Variants in IFIH1 observed in about 807,000 individuals in gnomAD.
The protein encoded by IFIH1 is interferon induced with helicase C domain 1.
Under a neutral mutation model 107.4 loss-of-function variants are expected in IFIH1, and 125 were observed. The observed-to-expected ratio is 1.16, with a 90% CI of 1.01 to 1.35. The LOEUF (loss-of-function observed/expected upper bound fraction) is 1.35. Among genes scored for constraint, IFIH1 ranks in the 40% most tolerant of loss-of-function variants. The pLI, the probability that IFIH1 is intolerant of heterozygous loss-of-function variation, is 0.00. For missense variants in IFIH1, 1,333 were observed against 1,213.7 expected (o/e 1.10, Z -1.46); for synonymous variants, 458 against 413.2 (o/e 1.11, Z -1.31).
In IFIH1 at chr2:162,268,259, G is replaced by A. The variant is rs1559809132; in HGVS notation, c.2635C>T (p.Gln879Ter). The A allele has an allele frequency of 1.9e-6, 3 of 1,606,560 alleles. No homozygotes were observed. The African/African-American group carries it at 4.0e-5, about 21-fold the overall frequency. The change falls in exon 14 of 16, where the codon CAA becomes TAA. Residue 879 changes from glutamine (Q) to a stop codon, truncating the protein, a stop_gained. Transcript: ENST00000649979. LOFTEE classifies it high-confidence loss of function. ...YAHKILELQM[Q>*]SIMEKKMKTK... ...TTCATTTTCTTTTCCATTATACTTT[G>A]CATCTGTAATTCCAAAATCTGGACA...
chr2:162,301,371 G>T (rs1003935318), intron 3 of IFIH1, among the ~76,000 whole-genome samples: 1 of 152,078 alleles, frequency 6.6e-6, no homozygotes, highest in African/African-American at 2.4e-5. Flanking sequence ...AAATGTAAAG[G>T]CGCCCTCTGC....
intron 11 of IFIH1, among the ~76,000 whole-genome samples, chr2:162,276,329 G>A (rs553757235): frequency 1.1e-3 from 162 of 152,304 alleles, no homozygotes; most frequent in Admixed American, 1.4e-3. Context: ...CAGGCTGAGC[G>A]CAGTGGCTCG....
At chr2:162,306,447 C>G (rs1372145922) in intron 3 of IFIH1, among the ~76,000 whole-genome samples, 1 of 152,128 alleles carries the variant, frequency 6.6e-6, no homozygotes, top group Non-Finnish European at 1.5e-5. Context: ...TTATACTTAT[C>G]TTACAATGAC....
At chr2:162,272,543 T>C (rs944800977) in intron 12 of IFIH1, among the ~76,000 whole-genome samples, 156 bp from the exon 13 acceptor site, 2 of 152,226 alleles carry the variant, frequency 1.3e-5, no homozygotes, top group Non-Finnish European at 2.9e-5. Context: ...AGTTAGTTAT[T>C]AATCCATTAC....
chr2:162,287,053 C>A (rs1682906764), intron 5 of IFIH1, among the ~76,000 whole-genome samples: 1 of 151,736 alleles, frequency 6.6e-6, no homozygotes, highest in South Asian at 2.1e-4. Context: ...AGTCTATCGG[C>A]AAACAAATTT....
intron 4 of IFIH1, among the ~76,000 whole-genome samples, chr2:162,288,926 C>CACACACACACAA (rs1405267685): frequency 1.6e-4 from 20 of 127,894 alleles, no homozygotes; most frequent in African/African-American, 9.0e-4. Context: ...AGCACACACA[C>CACACACACACAA]ACACACACAC....
rs143581491 is a variant in IFIH1 at position 162,315,821 on chromosome 2, T to C, written c.453+2034A>G. On this transcript the variant is annotated intron_variant, in intron 1 of 15. Transcript: ENST00000649979. ...AATGCTTCCGTCTCATTGTCCACCA[T>C]ATCTTAGTTTTGGAACTGATAATAC... Among the ~76,000 whole-genome samples, 3 of 152,358 alleles carry C rather than the reference T, an allele frequency of 2.0e-5. No individual in the cohort carries two copies. The East Asian group carries it at 5.8e-4, about 29-fold the overall frequency.
intron 4 of IFIH1, among the ~76,000 whole-genome samples, chr2:162,289,629 CTAT>C (rs1682961978): frequency 6.6e-6 from 1 of 151,896 alleles, no homozygotes; most frequent in Non-Finnish European, 1.5e-5. Context: ...CTGGATAATT[CTAT>C]TTGAGTGAGT....
chr2:162,286,704 G>A (rs1183445180), intron 5 of IFIH1, among the ~76,000 whole-genome samples: 2 of 151,932 alleles, frequency 1.3e-5, no homozygotes, highest in Non-Finnish European at 2.9e-5. Flanking sequence ...ATCAGTTTAA[G>A]TAGCTTTGAA....
At chr2:162,284,622 A>C (rs1682867175) in intron 5 of IFIH1, among the ~76,000 whole-genome samples, 1 of 151,996 alleles carries the variant, frequency 6.6e-6, no homozygotes, top group Non-Finnish European at 1.5e-5. Context: ...ATTGCCAATT[A>C]AAGTCTTGAA....
intron 1 of IFIH1, 103 bp from the exon 2 acceptor site, chr2:162,311,036 A>T: frequency 2.5e-6 from 2 of 806,102 alleles, no homozygotes; most frequent in Non-Finnish European, 3.8e-6. Context: ...GCATAAGTAT[A>T]AATAAAGGCT....
chr2:162,286,401 C>T (rs1387739435), intron 5 of IFIH1, among the ~76,000 whole-genome samples: 2 of 151,838 alleles, frequency 1.3e-5, no homozygotes, highest in African/African-American at 2.4e-5. Flanking sequence ...GTAGGGGGAC[C>T]TCCTTGATAT....
chr2:162,274,224 T>C (rs1175039740), intron 11 of IFIH1, among the ~76,000 whole-genome samples: 1 of 152,138 alleles, frequency 6.6e-6, no homozygotes, highest in Non-Finnish European at 1.5e-5. Flanking sequence ...AATTGATGGG[T>C]GACTCCAGAG....
intron 5 of IFIH1, among the ~76,000 whole-genome samples, chr2:162,284,328 ACAGCTACTCCAG>A (rs1682860817): frequency 6.6e-6 from 1 of 151,970 alleles, no homozygotes; most frequent in African/African-American, 2.4e-5. Context: ...AGCCCTGAAA[ACAGCTACTCCAG>A]CCACTTACTT....
At position 162,272,418 on chromosome 2, in the gene IFIH1, A is replaced by G. The variant is rs775580507; in HGVS notation, c.2455-31T>C. On this transcript the variant is annotated intron_variant, in intron 12 of 15. Transcript: ENST00000649979. ...AACACAAATAAATCAAGTAAATGAAAGGGTACGTTGTGATACAAATCCTCC... is the reference window on the plus strand; with the variant it reads ...AACACAAATAAATCAAGTAAATGAAGGGGTACGTTGTGATACAAATCCTCC... The G allele has an allele frequency of 1.4e-5, 22 of 1,600,622 alleles. No homozygotes were observed. In the African/African-American group the frequency reaches 2.7e-4, roughly 20 times the overall value.
In IFIH1 at chr2:162,282,547, C is replaced by T; in HGVS notation, c.1125G>A (p.Lys375=). The part of the protein sequence containing the change: ...KVLLVEQLFR[K]EFQPFLKKWY... ...ATTTCTTCAAAAATGGTTGGAACTC[C>T]TTGCGGAAGAGCTGTTCAACTAGCA... The change falls in exon 6 of 16, where the codon AAG becomes AAA. Residue 375 remains lysine, a synonymous_variant. Coordinates refer to ENST00000649979, the MANE Select transcript of IFIH1 (RefSeq NM_022168.4). The T allele has an allele frequency of 6.2e-7, 1 of 1,610,932 alleles. No individual in the cohort carries two copies. The highest frequency in any genetic ancestry group is 8.5e-7 in the Non-Finnish European group (1 of 1,178,338).
At chr2:162,279,956 A>AGTATT in intron 8 of IFIH1, 40 bp downstream of exon 8, 1 of 995,732 alleles carries the variant, frequency 1.0e-6, no homozygotes, top group Non-Finnish European at 1.6e-6. Flanking sequence ...TACTGAATGT[A>AGTATT]GTATTGTCAA....
chr2:162,281,192 T>C, intron 7 of IFIH1, 136 bp downstream of exon 7: 2 of 631,146 alleles, frequency 3.2e-6, no homozygotes, highest in Non-Finnish European at 5.6e-6. Context: ...TGAGTATATT[T>C]ATTGTACTAA....
rs929762803 is a variant in IFIH1, at chr2:162,318,364, G to C, written c.-57C>G. On this transcript the variant is annotated 5_prime_UTR_variant, in exon 1 of 16. Coordinates refer to ENST00000649979, the MANE Select transcript of IFIH1 (RefSeq NM_022168.4). Reference sequence around the variant, plus strand: ...CCAAGCAGATGGTGCTGTTGTCTGCGGGACAGGTGAAATGTGCGTGCCGCT... The same window carrying C: ...CCAAGCAGATGGTGCTGTTGTCTGCCGGACAGGTGAAATGTGCGTGCCGCT... The C allele has an allele frequency of 2.1e-6, 3 of 1,428,666 alleles. No homozygotes were observed. Among genetic ancestry groups the C allele is most frequent in the African/African-American group, 2.8e-5 (2 of 71,332 alleles). The allele number at this position is 1,428,666 out of a possible 1,614,324, so 88.5% of individuals were successfully genotyped here. A position where few individuals can be genotyped will look rare whatever the true frequency, so the allele number is the denominator to read the frequency against.
Sources: gnomAD v4.1 joint callset for allele counts (sites outside exome capture counted in the v4.1 genomes callset) on GRCh38, gnomAD v4.1.1 for gene constraint, MANE v1.5 for transcripts, NCBI Gene and HGNC (gene_info 2026-07-23, HGNC 2026-07-21) for gene names.